Variants in PGBD5 observed in about 807,000 individuals in gnomAD.
The protein encoded by PGBD5 is piggyBac transposable element-derived protein 5.
Under a neutral mutation model 47.9 loss-of-function variants are expected in PGBD5, and 14 were observed. That is an observed-to-expected ratio of 0.29 (90% confidence interval 0.19 to 0.46). The LOEUF is 0.46. Among genes scored for constraint, PGBD5 ranks in the 20% least tolerant of loss-of-function variants. The pLI, the probability that PGBD5 is intolerant of heterozygous loss-of-function variation, is 1.00. For missense variants in PGBD5, 635 were observed against 716.0 expected (o/e 0.89, Z 1.29); for synonymous variants, 316 against 306.3 (o/e 1.03, Z -0.33).
At chr1:230,378,434 T>C (rs963687270) in intron 1 of PGBD5, among the ~76,000 whole-genome samples, 4 of 152,236 alleles carry the variant, frequency 2.6e-5, no homozygotes, top group Non-Finnish European at 5.9e-5. Context: ...ATCTCCCAGT[T>C]ACCTGGAGCC....
chr1:230,387,183 C>T (rs1656661586), intron 1 of PGBD5, among the ~76,000 whole-genome samples: 1 of 152,148 alleles, frequency 6.6e-6, no homozygotes, highest in Admixed American at 6.5e-5. Flanking sequence ...AAAATTTTAA[C>T]TTTCTAAAGG....
At chr1:230,384,505 T>G (rs1656588772) in intron 1 of PGBD5, among the ~76,000 whole-genome samples, 2 of 152,184 alleles carry the variant, frequency 1.3e-5, no homozygotes, top group Admixed American at 1.3e-4. Context: ...AACAGTTTCC[T>G]ACCTGCTGAG....
chr1:230,425,814 C>G lies in PGBD5; in HGVS notation c.115G>C (p.Asp39His). ...CTGTAGAAGGGGTTCCCGCCGCTGT[C>G]CGGGCCGGACTCGCCGAACACGTCG... Reference protein sequence around the residue: ...SDDVFGESGPDSGGNPFYSTS... With the variant: ...SDDVFGESGPHSGGNPFYSTS... The change falls in exon 1 of 7, where the codon GAC (aspartate) becomes CAC (histidine). Residue 39 changes from aspartate (D) to histidine (H), a missense_variant. Coordinates refer to ENST00000391860, the MANE Select transcript of PGBD5 (RefSeq NM_001258311.2). This position sits in a 1 kb window ranked among gnomAD's most constrained non-coding sequence, Gnocchi z 4.7. The G allele has an allele frequency of 8.3e-7, 1 of 1,209,146 alleles. No individual in the cohort carries two copies. The highest frequency in any genetic ancestry group is 1.0e-6 in the Non-Finnish European group (1 of 973,506). 74.9% of individuals were successfully genotyped at this position (1,209,146 alleles called of 1,614,324 possible). A position where few individuals can be genotyped will look rare whatever the true frequency, so the allele number is the denominator to read the frequency against.
chr1:230,352,380 C>G (rs1157748530), intron 2 of PGBD5, among the ~76,000 whole-genome samples: 1 of 152,088 alleles, frequency 6.6e-6, no homozygotes, highest in Non-Finnish European at 1.5e-5. Context: ...CTGTGCATTC[C>G]CAACAAGCTC....
intron 1 of PGBD5, among the ~76,000 whole-genome samples, chr1:230,362,782 C>G (rs1667768184): frequency 6.6e-6 from 1 of 152,116 alleles, no homozygotes; most frequent in South Asian, 2.1e-4. Flanking sequence ...GGGGAGAGGC[C>G]TTGGCCCACC....
chr1:230,326,247 A>G (rs986907012), intron 5 of PGBD5, among the ~76,000 whole-genome samples: 7 of 152,074 alleles, frequency 4.6e-5, no homozygotes, highest in Admixed American at 2.6e-4. Context: ...GCAAAACCCC[A>G]TCTCTACTAA....
At chr1:230,343,034 A>G (rs535567163) in intron 3 of PGBD5, among the ~76,000 whole-genome samples, 38 of 152,300 alleles carry the variant, frequency 2.5e-4, no homozygotes, top group Non-Finnish European at 5.0e-4. Flanking sequence ...ATCTTTGTGT[A>G]TTAGCTGGGG....
At position 230,357,598 on chromosome 1, in the gene PGBD5, C is replaced by A. The variant is rs1440840320; in HGVS notation, c.332-277G>T. 6.6e-6 allele frequency among the ~76,000 whole-genome samples: 1 copy of A among 152,152 alleles called. No homozygotes were observed. The highest frequency in any genetic ancestry group is 1.5e-5 in the Non-Finnish European group (1 of 68,036). On this transcript the variant is annotated intron_variant, in intron 1 of 6. Transcript: ENST00000391860. This position sits in a 1 kb window ranked among gnomAD's most constrained non-coding sequence, Gnocchi z 5.7. ...CCCAGACACCACAGGAACAAACAGCCCTGACACCCGGAGTGCAAGCTGCAG... is the reference window on the plus strand; with the variant it reads ...CCCAGACACCACAGGAACAAACAGCACTGACACCCGGAGTGCAAGCTGCAG...
At chr1:230,362,066 G>C (rs1389669811) in intron 1 of PGBD5, among the ~76,000 whole-genome samples, 1 of 152,248 alleles carries the variant, frequency 6.6e-6, no homozygotes. Context: ...CATCAGTGGG[G>C]CATGAGGGTC....
rs1667680791 is a variant in PGBD5, at chr1:230,357,912, AAGG to A, written c.332-594_332-592del. On this transcript the variant is annotated intron_variant, in intron 1 of 6. Transcript: ENST00000391860. The surrounding 1 kb of genome is among the most constrained non-coding windows in gnomAD (Gnocchi z 5.7). ...GCCAGTCTGGGGTACTTCTCCGTACAAGGAAGAAAGCATGCATATACATACATA... is the reference window on the plus strand; with the variant it reads ...GCCAGTCTGGGGTACTTCTCCGTACAAAGAAAGCATGCATATACATACATA... Among the ~76,000 whole-genome samples, 1 of 152,166 alleles carries A rather than the reference AAGG, an allele frequency of 6.6e-6. No homozygotes were observed. The highest frequency in any genetic ancestry group is 1.5e-5 in the Non-Finnish European group (1 of 68,022).
chr1:230,350,933 T>A (rs1307495447), intron 3 of PGBD5, 25 bp downstream of exon 3: 1 of 1,610,206 alleles, frequency 6.2e-7, no homozygotes, highest in East Asian at 2.2e-5. Flanking sequence ...TCACCGACCC[T>A]CCCCGGGCTC....
Position 230,425,897 on chromosome 1 carries a change from C to G in PGBD5, c.32G>C (p.Arg11Thr). 1 of 1,169,528 alleles carries G rather than the reference C, an allele frequency of 8.6e-7. No homozygotes were observed. The allele number at this position is 1,169,528 out of a possible 1,614,324, so 72.4% of individuals were successfully genotyped here. MAEGGGGARRRAPALLEAARA... is the reference protein window; with the variant it reads MAEGGGGARRTAPALLEAARA... ...GGCAGCCTCGAGCAGCGCCGGCGCC[C>G]TCCTCCGCGCGCCCCCGCCGCCCTC... The change falls in exon 1 of 7, where the codon AGG (arginine) becomes ACG (threonine). Residue 11 changes from arginine to threonine, a missense_variant. Arg to Thr is a moderately conservative substitution (Grantham distance 71). Coordinates refer to ENST00000391860, the MANE Select transcript of PGBD5 (RefSeq NM_001258311.2). This position sits in a 1 kb window ranked among gnomAD's most constrained non-coding sequence, Gnocchi z 4.7.
chr1:230,341,446 T>C (rs74983492), intron 3 of PGBD5, among the ~76,000 whole-genome samples: 1,867 of 152,310 alleles, frequency 0.012, 46 homozygotes, highest in African/African-American at 0.042. Context: ...TTGCTACAAA[T>C]GCTTAAGCTA....
chr1:230,370,322 G>A (rs1232015365), intron 1 of PGBD5, among the ~76,000 whole-genome samples: 2 of 152,186 alleles, frequency 1.3e-5, no homozygotes, highest in African/African-American at 4.8e-5. Flanking sequence ...GAGCCGTGGG[G>A]ACTCTGCCCT....
At chr1:230,422,523 A>C (rs1000098653) in intron 1 of PGBD5, among the ~76,000 whole-genome samples, 1 of 152,152 alleles carries the variant, frequency 6.6e-6, no homozygotes, top group Non-Finnish European at 1.5e-5. Flanking sequence ...TCCCAGGCAG[A>C]TCATGCATCT....
At chr1:230,367,546 C>A (rs959853791) in intron 1 of PGBD5, among the ~76,000 whole-genome samples, 4 of 152,070 alleles carry the variant, frequency 2.6e-5, no homozygotes, top group Admixed American at 6.5e-5. Context: ...TACACACACA[C>A]AAAAAGTCTG....
At chr1:230,422,796 C>T (rs114330322) in intron 1 of PGBD5, among the ~76,000 whole-genome samples, 1 of 152,086 alleles carries the variant, frequency 6.6e-6, no homozygotes, top group Non-Finnish European at 1.5e-5. Context: ...GGATTTCCCA[C>T]CTTAACTACA....
At chr1:230,382,575 A>T (rs1388921741) in intron 1 of PGBD5, among the ~76,000 whole-genome samples, 1 of 152,186 alleles carries the variant, frequency 6.6e-6, no homozygotes, top group Non-Finnish European at 1.5e-5. Context: ...ACACAGAACA[A>T]AGGGGTTTCC....
chr1:230,396,998 T>C (rs1657000999), intron 1 of PGBD5, among the ~76,000 whole-genome samples: 1 of 151,620 alleles, frequency 6.6e-6, no homozygotes. Context: ...GCCTTGGGGG[T>C]CCTTTCTAAG....
Sources: gnomAD v4.1 joint callset for allele counts (sites outside exome capture counted in the v4.1 genomes callset) on GRCh38, gnomAD v4.1.1 for gene constraint, Gnocchi (gnomAD v3.1) non-coding constraint, MANE v1.5 for transcripts, NCBI Gene and HGNC (gene_info 2026-07-23, HGNC 2026-07-21) for gene names.